SGPP2: variants seen among roughly 807,000 people sequenced by gnomAD.
SGPP2 encodes sphingosine 1-phosphate phosphohydrolase 2.
SGPP2 carries 30 observed loss-of-function variants against 33.9 expected under a neutral mutation model. The ratio of observed to expected loss-of-function variants is 0.89; its 90% CI spans 0.66 to 1.20. The LOEUF is 1.20. Ranked by LOEUF, SGPP2 falls within the 50% of genes most tolerant of loss-of-function variation. The probability of loss-of-function intolerance (pLI) is 0.00; values close to 1 mark genes in which losing one functional copy is unlikely to be tolerated. For missense variants in SGPP2, 458 were observed against 532.1 expected (o/e 0.86, Z 1.37); for synonymous variants, 233 against 225.0 (o/e 1.04, Z -0.32).
chr2:222,501,860 T>C (rs1471498981), intron 2 of SGPP2, among the ~76,000 whole-genome samples: 3 of 152,220 alleles, frequency 2.0e-5, no homozygotes, highest in Admixed American at 6.5e-5. Flanking sequence ...TTTGTTTTGT[T>C]AAGGGTTGGG....
chr2:222,542,653 T>C (rs1445356715), intron 4 of SGPP2, among the ~76,000 whole-genome samples: 2 of 152,196 alleles, frequency 1.3e-5, no homozygotes, highest in Non-Finnish European at 2.9e-5. Context: ...TAATGACATT[T>C]AGCTTCATTT....
At chr2:222,445,637 G>A (rs374165341) in intron 1 of SGPP2, among the ~76,000 whole-genome samples, 4 of 152,290 alleles carry the variant, frequency 2.6e-5, no homozygotes, top group East Asian at 3.9e-4. Context: ...CCCCAGAGGA[G>A]AGGCTCAGAA....
Position 222,558,748 on chromosome 2 carries a change from A to G in SGPP2, c.1050A>G (p.Leu350=), listed in dbSNP as rs1159743895. ...TACAAAATCTCTCACTGCAAGTATT[A>G]TACTCATGGTTCAAGGTGGTCACCA... The part of the protein sequence containing the change: ...QLVQNLSLQV[L]YSWFKVVTRN... Residue 350 remains leucine (L), a synonymous_variant, in exon 5 of 5, where the codon TTA becomes TTG. Transcript: ENST00000321276. The G allele has an allele frequency of 2.5e-6, 4 of 1,614,082 alleles. No homozygotes were observed. The highest frequency in any genetic ancestry group is 2.7e-5 in the African/African-American group (2 of 74,932).
At position 222,562,112 on chromosome 2, in the gene SGPP2, G is replaced by A. The variant is rs558847550; in HGVS notation, c.*3214G>A. Among the ~76,000 whole-genome samples, 2 of 152,230 alleles carry A rather than the reference G, an allele frequency of 1.3e-5. No homozygotes were observed. Among genetic ancestry groups the A allele is most frequent in the Admixed American group, 6.5e-5 (1 of 15,298 alleles). On this transcript the variant is annotated 3_prime_UTR_variant, in exon 5 of 5. Coordinates refer to ENST00000321276, the MANE Select transcript of SGPP2 (RefSeq NM_152386.4). ...CAAGCTCACCACAATGTAAGCCTAT[G>A]GTCTGGCCAACCTTGCTTTTGGGAA...
At chr2:222,506,571 C>T (rs1332178955) in intron 2 of SGPP2, among the ~76,000 whole-genome samples, 1 of 152,136 alleles carries the variant, frequency 6.6e-6, no homozygotes, top group East Asian at 1.9e-4. Flanking sequence ...TGCAAGAATA[C>T]AGTATATAAT....
intron 4 of SGPP2, among the ~76,000 whole-genome samples, chr2:222,530,823 G>GT (rs1559171564): frequency 6.6e-6 from 1 of 152,166 alleles, no homozygotes; most frequent in African/African-American, 2.4e-5. Context: ...GCCTATCTCA[G>GT]TTTTTGAAAT....
intron 1 of SGPP2, among the ~76,000 whole-genome samples, chr2:222,439,861 A>C (rs1697298346): frequency 6.6e-6 from 1 of 152,010 alleles, no homozygotes; most frequent in African/African-American, 2.4e-5. Context: ...TTGATTGCAC[A>C]AGTCTGCACT....
intron 2 of SGPP2, among the ~76,000 whole-genome samples, chr2:222,515,184 G>A (rs968385936): frequency 6.6e-6 from 1 of 152,054 alleles, no homozygotes; most frequent in Non-Finnish European, 1.5e-5. Context: ...GTATCAAAGG[G>A]TGCCATCAGA....
chr2:222,491,977 C>T (rs893507781), intron 2 of SGPP2, among the ~76,000 whole-genome samples: 1 of 152,204 alleles, frequency 6.6e-6, no homozygotes, highest in Non-Finnish European at 1.5e-5. Context: ...GTCTAAAATC[C>T]AGCAGGGCAA....
In SGPP2 at chr2:222,465,096, G is replaced by A. The variant is rs145999701; in HGVS notation, c.220-9472G>A. Among the ~76,000 whole-genome samples the A allele has an allele frequency of 2.0e-4, 30 of 152,276 alleles. No homozygotes were observed. Among genetic ancestry groups the A allele is most frequent in the Non-Finnish European group, 4.0e-4 (27 of 68,032 alleles). ...TCAACCCTCCCTCCTATCCTTGGAC[G>A]CAGCAGAGGGATCCCGACAAACGCC... is the stretch of plus-strand genomic sequence containing the variant. On this transcript the variant is annotated intron_variant, in intron 1 of 4. Coordinates refer to ENST00000321276, the MANE Select transcript of SGPP2 (RefSeq NM_152386.4). This position sits in a 1 kb window ranked among gnomAD's most constrained non-coding sequence, Gnocchi z 4.1.
At chr2:222,540,329 AT>A (rs1204974895) in intron 4 of SGPP2, among the ~76,000 whole-genome samples, 8 of 151,888 alleles carry the variant, frequency 5.3e-5, no homozygotes, top group African/African-American at 1.7e-4. Context: ...CAGGTGTAGA[AT>A]TTTTTCATGT....
intron 1 of SGPP2, among the ~76,000 whole-genome samples, chr2:222,457,734 C>T (rs1697593343): frequency 6.6e-6 from 1 of 152,188 alleles, no homozygotes; most frequent in Admixed American, 6.5e-5. Flanking sequence ...GTCTATGTTC[C>T]CGCATGAACA....
intron 2 of SGPP2, among the ~76,000 whole-genome samples, chr2:222,511,938 A>G (rs1343197357): frequency 6.6e-6 from 1 of 152,162 alleles, no homozygotes; most frequent in Non-Finnish European, 1.5e-5. Context: ...TTGGCCTCCC[A>G]AAGTGCTGGG....
intron 1 of SGPP2, among the ~76,000 whole-genome samples, chr2:222,431,369 G>T (rs1250028246): frequency 6.6e-6 from 1 of 151,912 alleles, no homozygotes; most frequent in Non-Finnish European, 1.5e-5. Flanking sequence ...AGCCAGGTGT[G>T]GTGGCACACG....
At chr2:222,424,991 G>A (rs1697039951) in intron 1 of SGPP2, among the ~76,000 whole-genome samples, 170 bp downstream of exon 1, 1 of 152,214 alleles carries the variant, frequency 6.6e-6, no homozygotes, top group African/African-American at 2.4e-5. Context: ...CCAGTAACCA[G>A]GATGCCACCC....
rs1173747659 is a variant in SGPP2 at position 222,501,761 on chromosome 2, A to T, written c.379-20006A>T. Among the ~76,000 whole-genome samples the T allele has an allele frequency of 2.2e-4, 34 of 152,184 alleles. 2 individuals carry two copies. Among genetic ancestry groups the T allele is most frequent in the Admixed American group, 2.2e-3 (34 of 15,266 alleles). On this transcript the variant is annotated intron_variant, in intron 2 of 4. Coordinates refer to ENST00000321276, the MANE Select transcript of SGPP2 (RefSeq NM_152386.4). ...CCAAGATATACTGAGACTGAATCTC[A>T]CTTTAATATCTATGCTTTTTTCAAC...
chr2:222,458,485 A>G (rs993508583), intron 1 of SGPP2, among the ~76,000 whole-genome samples: 3 of 152,212 alleles, frequency 2.0e-5, no homozygotes, highest in African/African-American at 7.2e-5. Flanking sequence ...AAAATAAGTT[A>G]CTGATATTTA....
chr2:222,436,459 C>G (rs1197419760), intron 1 of SGPP2, among the ~76,000 whole-genome samples: 14 of 152,126 alleles, frequency 9.2e-5, no homozygotes, highest in African/African-American at 3.4e-4. Flanking sequence ...TTGCCCCAGC[C>G]CTGTAAACTA....
At chr2:222,490,779 G>A (rs149058349) in intron 2 of SGPP2, among the ~76,000 whole-genome samples, 2 of 152,104 alleles carry the variant, frequency 1.3e-5, no homozygotes, top group Non-Finnish European at 2.9e-5. Context: ...GTTGATATGA[G>A]TGAGAAGACA....
Sources: gnomAD v4.1 joint callset for allele counts (sites outside exome capture counted in the v4.1 genomes callset) on GRCh38, gnomAD v4.1.1 for gene constraint, Gnocchi (gnomAD v3.1) non-coding constraint, MANE v1.5 for transcripts, NCBI Gene and HGNC (gene_info 2026-07-23, HGNC 2026-07-21) for gene names.